The following PRR5 variants were observed in gnomAD, a reference collection of about 807,000 sequenced individuals.
PRR5 encodes proline-rich protein 5.
A neutral mutation model predicts 30.6 loss-of-function variants in PRR5; 25 were observed. That is an observed-to-expected ratio of 0.82 (90% CI 0.60 to 1.14). PRR5 has a LOEUF of 1.14. PRR5 is among the 50% of genes most tolerant of loss of function. The pLI is 0.00. For missense variants in PRR5, 600 were observed against 547.1 expected, an observed-to-expected ratio of 1.10 and a Z score of -0.96; for synonymous variants, 286 against 247.1, an observed-to-expected ratio of 1.16 and a Z score of -1.48.
chr22:44,703,385 G>A (rs1319400897), intron 1 of PRR5, among the ~76,000 whole-genome samples: 2 of 152,040 alleles, frequency 1.3e-5, no homozygotes, highest in African/African-American at 2.4e-5. Context: ...CCCCTCTCGC[G>A]CCCACACCTG....
At chr22:44,696,263 A>G (rs1003143043) in intron 1 of PRR5, among the ~76,000 whole-genome samples, 3 of 152,162 alleles carry the variant, frequency 2.0e-5, no homozygotes, top group East Asian at 3.8e-4. Context: ...GGCAGAGCTG[A>G]GGGCAGACCC....
At chr22:44,711,269 G>A (rs1359080012) in intron 1 of PRR5, among the ~76,000 whole-genome samples, 1 of 152,192 alleles carries the variant, frequency 6.6e-6, no homozygotes, top group East Asian at 1.9e-4. Context: ...CCCCCAAAAA[G>A]AAGTAGCTAG....
chr22:44,727,122 G>T (rs901559892), intron 4 of PRR5, among the ~76,000 whole-genome samples: 2 of 149,818 alleles, frequency 1.3e-5, no homozygotes, highest in African/African-American at 2.5e-5. Context: ...GTACAGTGAT[G>T]ATAAGTGATT....
chr22:44,732,394 G>T lies in PRR5; in HGVS notation c.555+3G>T. 6.2e-7 allele frequency: 1 copy of T among 1,604,734 alleles called. No homozygotes were observed. The highest frequency in any genetic ancestry group is 1.1e-5 in the South Asian group (1 of 90,876). On this transcript the variant is annotated splice_donor_region_variant and intron_variant, in intron 6 of 7. Coordinates refer to ENST00000336985, the MANE Select transcript of PRR5 (RefSeq NM_181333.4). ...TGCAGATGCTGCTGGTGCTGCAGGT[G>T]GGCACAGTGGGCAGAGGGTCGGGCA...
intron 6 of PRR5, 41 bp downstream of exon 6, chr22:44,732,432 G>A (rs751609909): frequency 6.3e-7 from 1 of 1,581,276 alleles, no homozygotes; most frequent in Non-Finnish European, 8.6e-7. Context: ...GGGACCGTGG[G>A]GCAGTAATTG....
At chr22:44,692,258 T>A (rs1215285460) in intron 1 of PRR5, among the ~76,000 whole-genome samples, 3 of 112,894 alleles carry the variant, frequency 2.7e-5, no homozygotes, top group African/African-American at 1.1e-4. Context: ...GGGCTCCTCC[T>A]CCCGGGGCTC....
At chr22:44,675,570 G>A (rs527599193), upstream of PRR5, among the ~76,000 whole-genome samples, 3 of 152,148 alleles carry the variant, frequency 2.0e-5, no homozygotes, top group Non-Finnish European at 2.9e-5. Context: ...GCACAATGAC[G>A]TGGAAAGCTG....
chr22:44,731,895 G>A, intron 5 of PRR5, 74 bp downstream of exon 5: 3 of 1,455,136 alleles, frequency 2.1e-6, no homozygotes, highest in Non-Finnish European at 2.8e-6. Context: ...CTACAGAGGG[G>A]GGCCGCCAGG....
At chr22:44,669,931 G>A (rs1266132614) in intron 1 of PRR5, among the ~76,000 whole-genome samples, 1 of 152,202 alleles carries the variant, frequency 6.6e-6, no homozygotes, top group African/African-American at 2.4e-5. Context: ...GAATCCTGGG[G>A]GTAAGCTGGG....
chr22:44,735,596 A>G (rs1923076548), intron 7 of PRR5, among the ~76,000 whole-genome samples: 1 of 152,198 alleles, frequency 6.6e-6, no homozygotes, highest in Admixed American at 6.5e-5. Flanking sequence ...CGCGTCCAGC[A>G]CAGCTGGCCA....
chr22:44,688,379 G>A lies in PRR5; in HGVS notation c.-11+11139G>A, dbSNP rs58353166. ...AGCCTGGGCTACAGAGCGAGACTTC[G>A]TCTCAAAAGAAAAAAATATTTCCTG... On this transcript the variant is annotated intron_variant, in intron 1 of 8. Transcript: ENST00000006251. Among the ~76,000 whole-genome samples, 1,138 of 152,178 alleles carry A rather than the reference G, an allele frequency of 7.5e-3. 15 individuals carry two copies. Among genetic ancestry groups the A allele is most frequent in the African/African-American group, 0.026 (1,068 of 41,556 alleles).
intron 2 of PRR5, among the ~76,000 whole-genome samples, chr22:44,715,563 C>T (rs1928930709): frequency 6.6e-6 from 1 of 152,126 alleles, no homozygotes; most frequent in South Asian, 2.1e-4. Context: ...CTGGCCCACC[C>T]CTGGGTGGGG....
chr22:44,694,655 G>A (rs1925587522), intron 1 of PRR5, among the ~76,000 whole-genome samples: 1 of 152,166 alleles, frequency 6.6e-6, no homozygotes, highest in South Asian at 2.1e-4. Context: ...ATGTGACCTA[G>A]GATAAGTCAC....
At chr22:44,713,171 C>T (rs545511861) in intron 1 of PRR5, among the ~76,000 whole-genome samples, 207 of 152,316 alleles carry the variant, frequency 1.4e-3, no homozygotes, top group African/African-American at 4.8e-3. Flanking sequence ...GCTGTGCCTG[C>T]TGGGCAAAGC....
At chr22:44,675,940 GTC>G (rs1923729995), upstream of PRR5, among the ~76,000 whole-genome samples, 1 of 152,000 alleles carries the variant, frequency 6.6e-6, no homozygotes, top group Non-Finnish European at 1.5e-5. Flanking sequence ...AATAGAATGA[GTC>G]TCTGTGTGGG....
rs112076650 is a variant in PRR5, at chr22:44,710,285, A to AC, written c.135-4296dup. On this transcript the variant is annotated intron_variant, in intron 1 of 7. Transcript: ENST00000336985. ...TCCTCCCCTTCTCTCCCTCACCTGCACCCCCCCCCCAGCGCTCAGGAGGGG... is the reference window on the plus strand; with the variant it reads ...TCCTCCCCTTCTCTCCCTCACCTGCACCCCCCCCCCCAGCGCTCAGGAGGGG... Among the ~76,000 whole-genome samples, 964 of 147,166 alleles carry AC rather than the reference A, an allele frequency of 6.6e-3. 5 individuals are homozygous for AC. Among genetic ancestry groups the AC allele is most frequent in the African/African-American group, 0.011 (434 of 39,676 alleles).
At chr22:44,736,710 G>A (rs556434563) in intron 7 of PRR5, 62 bp from the exon 8 acceptor site, 2 of 1,508,928 alleles carry the variant, frequency 1.3e-6, no homozygotes, top group Non-Finnish European at 1.8e-6. Flanking sequence ...TGAGCAGCAG[G>A]TGCCAAGGCG....
chr22:44,699,388 C>T (rs1217688052), upstream of PRR5, among the ~76,000 whole-genome samples: 1 of 152,258 alleles, frequency 6.6e-6, no homozygotes, highest in Non-Finnish European at 1.5e-5. Context: ...TGAGAGCCAG[C>T]CTCCGGCGTG....
chr22:44,725,429 C>T (rs1920927617), intron 3 of PRR5, 137 bp downstream of exon 3: 3 of 1,140,596 alleles, frequency 2.6e-6, no homozygotes, highest in Admixed American at 2.3e-5. Flanking sequence ...CTGCCTCGTT[C>T]CTTATCTAGC....
Sources: gnomAD v4.1 joint callset for allele counts (sites outside exome capture counted in the v4.1 genomes callset) on GRCh38, gnomAD v4.1.1 for gene constraint, MANE v1.5 for transcripts, NCBI Gene and HGNC (gene_info 2026-07-23, HGNC 2026-07-21) for gene names.